Variants in ABR observed in about 807,000 individuals in gnomAD.
ABR encodes the protein ABR activator of RhoGEF and GTPase.
A neutral mutation model predicts 107.2 loss-of-function variants in ABR; 35 were observed. The ratio of observed to expected loss-of-function variants is 0.33; its 90% CI spans 0.25 to 0.43. ABR has a LOEUF of 0.43. ABR is among the 20% of genes least tolerant of loss of function. The pLI is 1.00. For synonymous variants in ABR, 498 were observed against 462.0 expected, an observed-to-expected ratio of 1.08 and a Z score of -1.00; for missense variants, 815 against 1,115.2, an observed-to-expected ratio of 0.73 and a Z score of 3.83.
upstream of ABR, among the ~76,000 whole-genome samples, chr17:1,189,705 T>G (rs912385528): frequency 1.3e-5 from 2 of 152,152 alleles, no homozygotes; most frequent in African/African-American, 4.8e-5. Flanking sequence ...TTAAGTATCT[T>G]GTCTTCCAGG....
At chr17:1,195,221 G>A (rs2042532323) in intron 1 of ABR, among the ~76,000 whole-genome samples, 2 of 146,158 alleles carry the variant, frequency 1.4e-5, no homozygotes, top group Non-Finnish European at 3.0e-5. Context: ...GCAGGAGAAT[G>A]GCGTGAACCC....
In ABR at chr17:1,150,047, T is replaced by C. The variant is rs2151526663; in HGVS notation, c.62-24680A>G. Among the ~76,000 whole-genome samples, 1 of 152,278 alleles carries C rather than the reference T, an allele frequency of 6.6e-6. No individual in the cohort carries two copies. The highest frequency in any genetic ancestry group is 2.1e-4 in the South Asian group (1 of 4,824). The stretch of plus-strand genomic sequence containing the variant: ...GCTGTTATTGTCGTCACTGACGTTG[T>C]CACTGCTGTTGTCCCTGTTGTTATG... On this transcript the variant is annotated intron_variant, in intron 1 of 22. Coordinates refer to ENST00000302538, the MANE Select transcript of ABR (RefSeq NM_021962.5). The surrounding 1 kb of genome is among the most constrained non-coding windows in gnomAD (Gnocchi z 4.8).
chr17:1,016,987 C>T lies in ABR; in HGVS notation c.1792-3823G>A, dbSNP rs142444109. 4.7e-3 allele frequency among the ~76,000 whole-genome samples: 715 copies of T among 152,144 alleles called. 12 individuals are homozygous for T. The highest frequency in any genetic ancestry group is 0.017 in the African/African-American group (684 of 41,422). On this transcript the variant is annotated intron_variant, in intron 16 of 22. Transcript: ENST00000302538. ...CTTCCCACATCTATCACCCACACAC[C>T]GGCTGGGGGCAGGTGGTACCCAAGC...
At chr17:1,141,388 T>G (rs2040278200) in intron 1 of ABR, among the ~76,000 whole-genome samples, 1 of 152,166 alleles carries the variant, frequency 6.6e-6, no homozygotes, top group Non-Finnish European at 1.5e-5. Flanking sequence ...GATTAGCACT[T>G]CGGGAATGTG....
chr17:1,221,506 C>G (rs151090268), intron 1 of ABR, among the ~76,000 whole-genome samples: 1 of 152,180 alleles, frequency 6.6e-6, no homozygotes, highest in Non-Finnish European at 1.5e-5. Flanking sequence ...GACTGCTGGC[C>G]GCTGGAATTC....
chr17:1,032,661 C>CAGAGGACGCCACGGGCAACCA (rs1407110844), intron 16 of ABR, among the ~76,000 whole-genome samples: 14 of 148,952 alleles, frequency 9.4e-5, no homozygotes, highest in Admixed American at 1.4e-4. Context: ...GTGCTGGGCG[C>CAGAGGACGCCACGGGCAACCA]CTTGAGAGAG....
intron 1 of ABR, among the ~76,000 whole-genome samples, chr17:1,128,590 A>T (rs2151462850): frequency 6.6e-6 from 1 of 152,366 alleles, no homozygotes; most frequent in East Asian, 1.9e-4. Flanking sequence ...GCCGAAAGGT[A>T]CACTATCCAC....
At chr17:1,184,538 G>T (rs2042232593), upstream of ABR, among the ~76,000 whole-genome samples, 1 of 152,192 alleles carries the variant, frequency 6.6e-6, no homozygotes, top group Non-Finnish European at 1.5e-5. Flanking sequence ...CAAGGCTCAG[G>T]TAGACTCCCA....
chr17:1,060,478 G>C (rs1390423230), intron 10 of ABR, among the ~76,000 whole-genome samples: 1 of 152,166 alleles, frequency 6.6e-6, no homozygotes. Context: ...AAATGCTGAA[G>C]TTGCAAAACA....
At chr17:1,040,355 G>C (rs1255309591) in intron 16 of ABR, among the ~76,000 whole-genome samples, 1 of 152,188 alleles carries the variant, frequency 6.6e-6, no homozygotes, top group East Asian at 1.9e-4. Flanking sequence ...CAGAGTAATT[G>C]AAACCAGAAG....
At chr17:1,080,376 G>A (rs2036131083) in intron 5 of ABR, among the ~76,000 whole-genome samples, 1 of 152,186 alleles carries the variant, frequency 6.6e-6, no homozygotes, top group South Asian at 2.1e-4. Flanking sequence ...TCTGCTCCAA[G>A]CCTCTTTATC....
intron 1 of ABR, among the ~76,000 whole-genome samples, chr17:1,219,924 G>C (rs1269735350): frequency 2.0e-5 from 3 of 151,776 alleles, no homozygotes; most frequent in Non-Finnish European, 2.9e-5. Flanking sequence ...TAAAGCACTT[G>C]ACCTAGTGCT....
intron 1 of ABR, among the ~76,000 whole-genome samples, chr17:1,204,060 T>G (rs947330704): frequency 2.0e-5 from 3 of 152,150 alleles, no homozygotes; most frequent in Non-Finnish European, 4.4e-5. Flanking sequence ...CCTCCCGGCC[T>G]CTCCCTCATC....
chr17:1,033,423 C>G (rs1160622752), intron 16 of ABR, among the ~76,000 whole-genome samples: 1 of 152,200 alleles, frequency 6.6e-6, no homozygotes, highest in East Asian at 1.9e-4. Context: ...AGGGCTCTGA[C>G]AAGCTGAGCT....
intron 5 of ABR, among the ~76,000 whole-genome samples, chr17:1,080,041 C>G (rs2036104212): frequency 6.6e-6 from 1 of 151,994 alleles, no homozygotes; most frequent in South Asian, 2.1e-4. Flanking sequence ...CAAGGGCAGA[C>G]AGGGTTTGAG....
At chr17:1,222,310 C>G (rs1437572586) in intron 1 of ABR, among the ~76,000 whole-genome samples, 5 of 152,074 alleles carry the variant, frequency 3.3e-5, no homozygotes, top group Non-Finnish European at 7.4e-5. Context: ...AGTGATCCAC[C>G]CACCTCGGCC....
intron 13 of ABR, among the ~76,000 whole-genome samples, chr17:1,056,594 C>A (rs1165026321): frequency 6.6e-5 from 10 of 152,134 alleles, no homozygotes; most frequent in Admixed American, 6.5e-4. Flanking sequence ...GCTCAAAACC[C>A]CCCCAGACTC....
At position 1,226,800 on chromosome 17, in the gene ABR, T is replaced by C. The variant is rs2043230100; in HGVS notation, c.838+1993A>G. On this transcript the variant is annotated intron_variant, in intron 1 of 22. Coordinates refer to the ABR transcript ENST00000574139. Reference sequence around the variant, plus strand: ...TGACAGTGTACCATGTGTATACGTGTGCAGGTGTGTGTGTATATGTGTGCA... The same window carrying C: ...TGACAGTGTACCATGTGTATACGTGCGCAGGTGTGTGTGTATATGTGTGCA... Among the ~76,000 whole-genome samples the C allele has an allele frequency of 2.0e-5, 3 of 152,056 alleles. No individual in the cohort carries two copies. The South Asian group carries it at 6.2e-4, about 31-fold the overall frequency.
At position 1,100,600 on chromosome 17, in the gene ABR, GGGGACCGGAAGGCCCCAGAGCA is replaced by G; in HGVS notation, c.345+15_345+36del. 2 of 1,583,800 alleles carry G rather than the reference GGGGACCGGAAGGCCCCAGAGCA, an allele frequency of 1.3e-6. No homozygotes were observed. Among genetic ancestry groups the G allele is most frequent in the South Asian group, 2.2e-5 (2 of 90,504 alleles). ...GCATGACATCACCCAACACGGGCGG[GGGGACCGGAAGGCCCCAGAGCA>G]GGGACTGTACTCACCAGCAACAGGG... On this transcript the variant is annotated intron_variant, in intron 3 of 22. Transcript: ENST00000302538.
Sources: gnomAD v4.1 joint callset for allele counts (sites outside exome capture counted in the v4.1 genomes callset) on GRCh38, gnomAD v4.1.1 for gene constraint, Gnocchi (gnomAD v3.1) non-coding constraint, MANE v1.5 for transcripts, NCBI Gene and HGNC (gene_info 2026-07-23, HGNC 2026-07-21) for gene names.